The following MAEL variants were observed in gnomAD, a reference collection of about 807,000 sequenced individuals.
The protein encoded by MAEL is maelstrom spermatogenic transposon silencer, also known as protein maelstrom homolog.
A neutral mutation model predicts 62.0 loss-of-function variants in MAEL; 46 were observed. The ratio of observed to expected loss-of-function variants is 0.74; its 90% confidence interval spans 0.59 to 0.95. MAEL has a LOEUF of 0.95. Among genes scored for constraint, MAEL ranks in the 40% least tolerant of loss-of-function variants. MAEL has a pLI of 0.00. For missense variants in MAEL, 497 were observed against 526.8 expected (o/e 0.94, Z 0.55); for synonymous variants, 172 against 175.5 (o/e 0.98, Z 0.16).
chr1:167,005,494 C>T (rs1318774445), intron 8 of MAEL, 97 bp downstream of exon 8: 5 of 1,018,786 alleles, frequency 4.9e-6, no homozygotes, highest in Admixed American at 5.3e-5. Context: ...CAATATTTTC[C>T]CATGAAAGCT....
chr1:166,984,562 A>G (rs969592776), upstream of MAEL, among the ~76,000 whole-genome samples: 3 of 152,170 alleles, frequency 2.0e-5, no homozygotes, highest in African/African-American at 7.2e-5. Flanking sequence ...TAAATAAATA[A>G]ATATAAAATA....
intron 6 of MAEL, among the ~76,000 whole-genome samples, chr1:167,004,800 G>T (rs902606580): frequency 6.6e-6 from 1 of 152,050 alleles, no homozygotes; most frequent in East Asian, 1.9e-4. Context: ...CTGAACATTG[G>T]TTTCTTCATT....
At position 167,021,790 on chromosome 1, in the gene MAEL, G is replaced by A. The variant is rs755796207; in HGVS notation, c.1240G>A (p.Asp414Asn). 1.9e-6 allele frequency: 3 copies of A among 1,612,698 alleles called. No individual in the cohort carries two copies. Among genetic ancestry groups the A allele is most frequent in the Non-Finnish European group, 2.5e-6 (3 of 1,179,090 alleles). ...SSNIHKFSNC[D>N]TSLSPYMSQK... is the part of the protein sequence containing the mutation. ...CAATATCCACAAATTCTCCAACTGT[G>A]ACACTTCACTCTCACCTTACATGTC... The change falls in exon 12 of 12, where the codon GAC becomes AAC. Residue 414 changes from aspartate (D) to asparagine (N), a missense_variant. Asp to Asn is a conservative substitution (Grantham distance 23). Coordinates refer to ENST00000367872, the MANE Select transcript of MAEL (RefSeq NM_032858.3).
chr1:166,980,582 C>A (rs1209688706), intron 1 of MAEL, among the ~76,000 whole-genome samples: 2 of 152,172 alleles, frequency 1.3e-5, no homozygotes, highest in Non-Finnish European at 2.9e-5. Context: ...TAATTATGAG[C>A]AGTTGAGCCC....
chr1:166,995,102 T>C (rs1664363301), intron 5 of MAEL, among the ~76,000 whole-genome samples: 1 of 152,046 alleles, frequency 6.6e-6, no homozygotes, highest in Admixed American at 6.6e-5. Context: ...CTGTTCTTTA[T>C]AAATGAACAT....
chr1:166,992,558 AT>A (rs1664234127), intron 3 of MAEL, 127 bp from the exon 4 acceptor site: 1 of 599,490 alleles, frequency 1.7e-6, no homozygotes, highest in Non-Finnish European at 2.7e-6. Context: ...TTTCCAGCTC[AT>A]TTAGGAATAT....
upstream of MAEL, among the ~76,000 whole-genome samples, chr1:166,984,880 G>A (rs975288901): frequency 6.6e-6 from 1 of 152,176 alleles, no homozygotes; most frequent in South Asian, 2.1e-4. Context: ...CCTCATAGAG[G>A]TTTGCCCTGT....
chr1:167,005,558 GTTAC>G, intron 8 of MAEL, 161 bp downstream of exon 8: 1 of 546,582 alleles, frequency 1.8e-6, no homozygotes, highest in Non-Finnish European at 3.0e-6. Context: ...AAGATATATT[GTTAC>G]TTGTGTATCA....
chr1:166,992,159 T>C (rs1240014814), intron 3 of MAEL, among the ~76,000 whole-genome samples: 1 of 152,198 alleles, frequency 6.6e-6, no homozygotes, highest in Non-Finnish European at 1.5e-5. Flanking sequence ...TGGTAAACTT[T>C]TAACAGTCTT....
intron 6 of MAEL, 122 bp from the exon 7 acceptor site, chr1:167,004,952 CTT>C: frequency 2.5e-6 from 2 of 797,870 alleles, no homozygotes; most frequent in Non-Finnish European, 4.0e-6. Flanking sequence ...ACTCCTCAGT[CTT>C]TCTCCTGTGC....
At chr1:167,007,283 C>T (rs1394375863) in intron 8 of MAEL, among the ~76,000 whole-genome samples, 1 of 151,908 alleles carries the variant, frequency 6.6e-6, no homozygotes, top group Non-Finnish European at 1.5e-5. Context: ...AGTGGGAGTA[C>T]CTTCAAGCAG....
chr1:167,015,910 GC>G (rs1219753571), intron 8 of MAEL, among the ~76,000 whole-genome samples: 2 of 152,102 alleles, frequency 1.3e-5, no homozygotes, highest in African/African-American at 4.8e-5. Flanking sequence ...CTACCACAAG[GC>G]CTAGAAAATA....
chr1:167,005,571 C>T (rs1330027378), intron 8 of MAEL, 174 bp downstream of exon 8: 6 of 523,026 alleles, frequency 1.1e-5, no homozygotes, highest in Non-Finnish European at 2.0e-5. Context: ...ACTTGTGTAT[C>T]ACTAAAAACA....
chr1:167,015,229 G>T (rs1459439789), intron 8 of MAEL, among the ~76,000 whole-genome samples: 1 of 152,098 alleles, frequency 6.6e-6, no homozygotes, highest in Non-Finnish European at 1.5e-5. Flanking sequence ...TTTTTTGCCG[G>T]TACATAGTAT....
chr1:166,989,474 C>T lies in MAEL; in HGVS notation c.122C>T (p.Ser41Leu). The change falls in exon 1 of 12, where the codon TCA becomes TTA. Residue 41 changes from serine (S) to leucine (L), a missense_variant. Transcript: ENST00000367872. Reference protein sequence around the residue: ...RVADAIPYCSSDWALLREEEK... With the variant: ...RVADAIPYCSLDWALLREEEK... ...GCTGATGCCATCCCTTACTGCTCCTCAGACTGGGCGGTAAGGCTGGAGCGG... is the reference window on the plus strand; with the variant it reads ...GCTGATGCCATCCCTTACTGCTCCTTAGACTGGGCGGTAAGGCTGGAGCGG... 6.3e-7 allele frequency: 1 copy of T among 1,584,982 alleles called. No individual in the cohort carries two copies. Among genetic ancestry groups the T allele is most frequent in the South Asian group, 1.2e-5 (1 of 86,842 alleles).
chr1:167,018,202 T>C (rs1307115736), intron 10 of MAEL, among the ~76,000 whole-genome samples: 1 of 152,246 alleles, frequency 6.6e-6, no homozygotes, highest in Non-Finnish European at 1.5e-5. Context: ...AACTGGTATT[T>C]AATCTTTATG....
chr1:167,021,848 T>C lies in MAEL; in HGVS notation c.1298T>C (p.Leu433Ser). 1.2e-6 allele frequency: 2 copies of C among 1,601,836 alleles called. No individual in the cohort carries two copies. Among genetic ancestry groups the C allele is most frequent in the African/African-American group, 1.3e-5 (1 of 74,646 alleles). ...GATGGATACAAATCTTTCTCTTCCT[T>C]ATCTTAATGATGGTACTCTTTTCAA... ...QKDGYKSFSS[L>S]S Residue 433 changes from leucine (L) to serine (S), a missense_variant, in exon 12 of 12, where the codon TTA becomes TCA. By Grantham distance (145) the Leu-to-Ser change is moderately radical. Transcript: ENST00000367872.
At chr1:167,003,570 C>T (rs1250982916) in intron 5 of MAEL, among the ~76,000 whole-genome samples, 2 of 152,194 alleles carry the variant, frequency 1.3e-5, no homozygotes, top group Non-Finnish European at 2.9e-5. Flanking sequence ...TTCAGTCATT[C>T]AGCTTCCTCT....
At chr1:166,994,889 C>G (rs925727382) in intron 5 of MAEL, among the ~76,000 whole-genome samples, 2 of 150,426 alleles carry the variant, frequency 1.3e-5, no homozygotes, top group Non-Finnish European at 3.0e-5. Context: ...AGGATGGTCT[C>G]GATCTATTGA....
Sources: gnomAD v4.1 joint callset for allele counts (sites outside exome capture counted in the v4.1 genomes callset) on GRCh38, gnomAD v4.1.1 for gene constraint, MANE v1.5 for transcripts, NCBI Gene and HGNC (gene_info 2026-07-23, HGNC 2026-07-21) for gene names.